The following SEC24B variants were observed in gnomAD, a reference collection of about 807,000 sequenced individuals.
The protein encoded by SEC24B is SEC24 homolog B, COPII component.
A neutral mutation model predicts 142.8 loss-of-function variants in SEC24B; 45 were observed. The observed-to-expected ratio is 0.32, with a 90% CI of 0.25 to 0.40. SEC24B has a LOEUF of 0.40. SEC24B is among the 10% of genes least tolerant of loss of function. The pLI, the probability that SEC24B is intolerant of heterozygous loss-of-function variation, is 1.00. For missense variants in SEC24B, 1,409 were observed against 1,526.8 expected (o/e 0.92, Z 1.29); for synonymous variants, 574 against 568.2 (o/e 1.01, Z -0.15).
intron 3 of SEC24B, among the ~76,000 whole-genome samples, chr4:109,478,279 C>G (rs1733382424): frequency 7.0e-6 from 1 of 142,640 alleles, no homozygotes; most frequent in Non-Finnish European, 1.5e-5. Flanking sequence ...GAGTGAGACT[C>G]TGTCTTAAAA....
intron 6 of SEC24B, among the ~76,000 whole-genome samples, chr4:109,496,093 A>C (rs1735513798): frequency 6.6e-6 from 1 of 152,156 alleles, no homozygotes; most frequent in East Asian, 1.9e-4. Flanking sequence ...ATTTATTGAA[A>C]GAAAATAAAA....
At chr4:109,487,165 C>CAAAAAAAAAAAAAAAAAAAAAAAAAAAA (rs372133489) in intron 4 of SEC24B, among the ~76,000 whole-genome samples, 1 of 54,206 alleles carries the variant, frequency 1.8e-5, no homozygotes, top group Non-Finnish European at 4.0e-5. Flanking sequence ...GACTCTGTCT[C>CAAAAAAAAAAAAAAAAAAAAAAAAAAAA]AAAAAAAAAA....
At chr4:109,493,400 C>T (rs1345573888) in intron 5 of SEC24B, among the ~76,000 whole-genome samples, 1 of 152,114 alleles carries the variant, frequency 6.6e-6, no homozygotes, top group East Asian at 1.9e-4. Context: ...GAGTTGACTT[C>T]AAAATAGGAC....
chr4:109,528,482 A>G (rs983132833), intron 18 of SEC24B, among the ~76,000 whole-genome samples: 1 of 151,742 alleles, frequency 6.6e-6, no homozygotes, highest in African/African-American at 2.4e-5. Flanking sequence ...AATGACATTC[A>G]GGGAAAGGGA....
At chr4:109,450,013 G>C (rs531685897) in intron 1 of SEC24B, among the ~76,000 whole-genome samples, 1 of 152,150 alleles carries the variant, frequency 6.6e-6, no homozygotes, top group African/African-American at 2.4e-5. Context: ...CCAGGAGTTC[G>C]AGACCAGCCT....
intron 1 of SEC24B, among the ~76,000 whole-genome samples, chr4:109,450,248 C>T (rs1168172078): frequency 6.6e-6 from 1 of 152,040 alleles, no homozygotes; most frequent in East Asian, 1.9e-4. Context: ...TTAAACTCTA[C>T]CTGCTGCAGT....
intron 3 of SEC24B, among the ~76,000 whole-genome samples, chr4:109,474,041 C>T (rs541330489): frequency 6.6e-6 from 1 of 152,262 alleles, no homozygotes; most frequent in South Asian, 2.1e-4. Context: ...CTAGGGTGAT[C>T]TCATTGCTTG....
chr4:109,452,987 TA>T (rs1730265949), intron 1 of SEC24B, among the ~76,000 whole-genome samples: 1 of 152,110 alleles, frequency 6.6e-6, no homozygotes, highest in African/African-American at 2.4e-5. Context: ...GTCTGAGAAA[TA>T]AAGGGAAAGA....
chr4:109,500,738 C>CCA lies in SEC24B; in HGVS notation c.1489-5588_1489-5587dup, dbSNP rs1344499278. 2.6e-5 allele frequency among the ~76,000 whole-genome samples: 4 copies of CCA among 152,076 alleles called. 1 individual carries two copies. The highest frequency in any genetic ancestry group is 2.6e-4 in the Admixed American group (4 of 15,276). On this transcript the variant is annotated intron_variant, in intron 6 of 23. Transcript: ENST00000265175. Reference sequence around the variant, plus strand: ...ACAATCTTGGCTCTCACTGCAACCTCCACCTCCCGGGCTCAAGCAATTCTC... The same window carrying CCA: ...ACAATCTTGGCTCTCACTGCAACCTCCACACCTCCCGGGCTCAAGCAATTCTC...
intron 2 of SEC24B, among the ~76,000 whole-genome samples, chr4:109,467,281 G>A (rs1011547684): frequency 4.1e-5 from 6 of 144,970 alleles, no homozygotes; most frequent in Admixed American, 7.0e-5. Flanking sequence ...AGCCGAGATC[G>A]CGCCACTGCA....
intron 4 of SEC24B, among the ~76,000 whole-genome samples, chr4:109,483,173 G>A (rs566931645): frequency 2.7e-5 from 4 of 149,814 alleles, no homozygotes; most frequent in East Asian, 2.0e-4. Flanking sequence ...TGCACCTTCC[G>A]GGTTCACACC....
intron 2 of SEC24B, among the ~76,000 whole-genome samples, chr4:109,464,294 CTTT>C (rs796520724): frequency 1.1e-4 from 15 of 141,956 alleles, no homozygotes; most frequent in Non-Finnish European, 1.1e-4. Context: ...GTGGCTTGCC[CTTT>C]TTTTTTTTTT....
intron 1 of SEC24B, among the ~76,000 whole-genome samples, chr4:109,453,454 C>T (rs1049495331): frequency 2.5e-5 from 3 of 121,494 alleles, no homozygotes; most frequent in South Asian, 3.6e-4. Flanking sequence ...CCCCCCCCCC[C>T]CCCCCGAATG....
intron 1 of SEC24B, among the ~76,000 whole-genome samples, chr4:109,454,440 A>G (rs928236703): frequency 1.1e-4 from 16 of 151,896 alleles, no homozygotes; most frequent in Non-Finnish European, 1.9e-4. Flanking sequence ...TAGGGAAAGT[A>G]AGGCAGGAGA....
At chr4:109,525,748 A>G (rs1724153422) in intron 16 of SEC24B, among the ~76,000 whole-genome samples, 2 of 152,160 alleles carry the variant, frequency 1.3e-5, no homozygotes, top group Admixed American at 6.5e-5. Flanking sequence ...CCTATATTAG[A>G]AATGATTTTA....
rs774975785 is a variant in SEC24B at position 109,530,479 on chromosome 4, A to G, written c.3252+15A>G. On this transcript the variant is annotated intron_variant, in intron 19 of 23. Transcript: ENST00000265175. ...TTCTCAAACAGGTAGCTTTTTATAC[A>G]TTGCTATATTTAATATTGTTTTTTA... 1.3e-6 allele frequency: 2 copies of G among 1,590,464 alleles called. No individual in the cohort carries two copies. Among genetic ancestry groups the G allele is most frequent in the African/African-American group, 2.7e-5 (2 of 73,664 alleles).
At chr4:109,467,048 C>A in intron 2 of SEC24B, among the ~76,000 whole-genome samples, 1 of 152,026 alleles carries the variant, frequency 6.6e-6, no homozygotes, top group Admixed American at 6.5e-5. Context: ...CCACTCCAGC[C>A]GGGCGCGGTG....
chr4:109,508,851 T>C (rs540283056), intron 7 of SEC24B, among the ~76,000 whole-genome samples: 20 of 152,338 alleles, frequency 1.3e-4, no homozygotes, highest in Non-Finnish European at 2.4e-4. Context: ...AATAAACATT[T>C]ATCAAATGCC....
intron 1 of SEC24B, among the ~76,000 whole-genome samples, chr4:109,453,689 G>A (rs1037978748): frequency 2.6e-5 from 4 of 152,132 alleles, no homozygotes; most frequent in East Asian, 3.9e-4. Context: ...TGCAGTTAAC[G>A]CAGTCATCAC....
Sources: gnomAD v4.1 joint callset for allele counts (sites outside exome capture counted in the v4.1 genomes callset) on GRCh38, gnomAD v4.1.1 for gene constraint, MANE v1.5 for transcripts, NCBI Gene and HGNC (gene_info 2026-07-23, HGNC 2026-07-21) for gene names.